The following FBXO9 variants were observed in gnomAD, a reference collection of about 807,000 sequenced individuals.
FBXO9 encodes the protein F-box only protein 9.
FBXO9 carries 43 observed loss-of-function variants against 63.7 expected under a neutral mutation model. The observed-to-expected ratio is 0.67, with a 90% CI of 0.53 to 0.87. The LOEUF (loss-of-function observed/expected upper bound fraction) is 0.87, where lower values mean the gene tolerates loss of function less well. Among genes scored for constraint, FBXO9 ranks in the 40% least tolerant of loss-of-function variants. The pLI, the probability that FBXO9 is intolerant of heterozygous loss-of-function variation, is 0.00. For synonymous variants in FBXO9, 156 were observed against 171.7 expected (o/e 0.91, Z 0.72); for missense variants, 442 against 533.2 (o/e 0.83, Z 1.68).
intron 8 of FBXO9, 65 bp downstream of exon 8, chr6:53,092,612 C>G: frequency 1.3e-6 from 2 of 1,483,108 alleles, no homozygotes; most frequent in Non-Finnish European, 1.9e-6. Flanking sequence ...TATAAATACG[C>G]CGTTTAAATT....
At chr6:53,073,694 A>G (rs1769000994) in intron 3 of FBXO9, 55 bp downstream of exon 3, 2 of 1,411,682 alleles carry the variant, frequency 1.4e-6, no homozygotes, top group African/African-American at 1.4e-5. Context: ...GGCACATGGA[A>G]ATTTTCACTG....
At chr6:53,082,663 T>A in intron 7 of FBXO9, 45 bp downstream of exon 7, 2 of 1,362,270 alleles carry the variant, frequency 1.5e-6, no homozygotes, top group Non-Finnish European at 2.1e-6. Context: ...GAGGCAATGG[T>A]GAAAAGAAAG....
Position 53,093,544 on chromosome 6 carries a change from A to G in FBXO9, c.942A>G (p.Leu314=). 3 of 1,612,780 alleles carry G rather than the reference A, an allele frequency of 1.9e-6. No homozygotes were observed. In the East Asian group the frequency reaches 6.7e-5, roughly 36 times the overall value. ...PEEPQSIVPR[L]RTRNTRTDAI... ...AGCCTCAGTCCATTGTTCCACGTTTAAGAACTAGGAATACCAGGTAGCATT... is the reference window on the plus strand; with the variant it reads ...AGCCTCAGTCCATTGTTCCACGTTTGAGAACTAGGAATACCAGGTAGCATT... Residue 314 remains leucine, a synonymous_variant, in exon 10 of 13, where the codon TTA becomes TTG. Transcript: ENST00000323557.
intron 1 of FBXO9, among the ~76,000 whole-genome samples, chr6:53,066,341 G>A (rs1200287929): frequency 2.6e-5 from 4 of 152,188 alleles, no homozygotes; most frequent in African/African-American, 9.7e-5. Flanking sequence ...TCCTGGCGGA[G>A]TGGGGTTGGA....
Position 53,065,735 on chromosome 6 carries a change from G to T in FBXO9, c.-55G>T. 1 of 1,428,014 alleles carries T rather than the reference G, an allele frequency of 7.0e-7. No homozygotes were observed. The allele number at this position is 1,428,014 out of a possible 1,614,324, so 88.5% of individuals were successfully genotyped here. On this transcript the variant is annotated 5_prime_UTR_variant, in exon 1 of 13. Coordinates refer to ENST00000323557, the MANE Select transcript of FBXO9 (RefSeq NM_033480.3). ...ACACCCAGCACCCCTCCTCCGGGGGGCGGTGCAGAGGGGGCACGGAGAGCC... is the reference window on the plus strand; with the variant it reads ...ACACCCAGCACCCCTCCTCCGGGGGTCGGTGCAGAGGGGGCACGGAGAGCC...
At chr6:53,093,364 T>C (rs1763102224) in intron 9 of FBXO9, 102 bp from the exon 10 acceptor site, 1 of 680,092 alleles carries the variant, frequency 1.5e-6, no homozygotes. Flanking sequence ...TATTTCAGTG[T>C]TGGTTTCATA....
intron 2 of FBXO9, among the ~76,000 whole-genome samples, chr6:53,073,185 G>A (rs1322773006): frequency 6.6e-6 from 1 of 151,850 alleles, no homozygotes; most frequent in African/African-American, 2.4e-5. Context: ...ACTTCAGTCT[G>A]TAAGTGATGG....
At chr6:53,089,060 T>G (rs113950627) in intron 7 of FBXO9, among the ~76,000 whole-genome samples, 1,621 of 147,972 alleles carry the variant, frequency 0.011, 33 homozygotes, top group African/African-American at 0.037. Context: ...CCTAGTGGGG[T>G]TTTTTTTTGT....
At chr6:53,092,376 A>G (rs1344513651) in intron 7 of FBXO9, 53 bp from the exon 8 acceptor site, 10 of 1,287,856 alleles carry the variant, frequency 7.8e-6, no homozygotes, top group Admixed American at 1.9e-5. Flanking sequence ...AAAAATATTT[A>G]TGTCTATGTA....
At chr6:53,083,714 C>T (rs867429213) in intron 7 of FBXO9, among the ~76,000 whole-genome samples, 7 of 152,174 alleles carry the variant, frequency 4.6e-5, no homozygotes, top group Admixed American at 2.0e-4. Flanking sequence ...GTCATAGAAG[C>T]CTGAGAACCT....
chr6:53,092,888 ATCTGT>A (rs1763084972), intron 9 of FBXO9, 64 bp downstream of exon 9: 1 of 1,130,922 alleles, frequency 8.8e-7, no homozygotes, highest in African/African-American at 1.6e-5. Context: ...TTAAATGGAC[ATCTGT>A]TCTTTGTTGC....
chr6:53,087,036 A>AAAC (rs200987070), intron 7 of FBXO9, among the ~76,000 whole-genome samples: 107 of 152,066 alleles, frequency 7.0e-4, no homozygotes, highest in East Asian at 5.2e-3. Flanking sequence ...CCTGTCTCAA[A>AAAC]AACAACAACA....
At chr6:53,075,294 C>T (rs1361100507) in intron 3 of FBXO9, among the ~76,000 whole-genome samples, 8 of 151,294 alleles carry the variant, frequency 5.3e-5, no homozygotes, top group Admixed American at 5.3e-4. Context: ...GTCAGTAACG[C>T]TGGGCTAATT....
chr6:53,089,756 T>C (rs1762995273), intron 7 of FBXO9, among the ~76,000 whole-genome samples: 1 of 152,144 alleles, frequency 6.6e-6, no homozygotes, highest in South Asian at 2.1e-4. Flanking sequence ...CCAAATGATA[T>C]CAAGAAGCCT....
chr6:53,069,290 T>G (rs1270024747), intron 1 of FBXO9, among the ~76,000 whole-genome samples: 1 of 152,244 alleles, frequency 6.6e-6, no homozygotes, highest in Non-Finnish European at 1.5e-5. Flanking sequence ...TTGGTATCAT[T>G]AAACTTACCT....
intron 3 of FBXO9, among the ~76,000 whole-genome samples, chr6:53,074,830 G>C (rs1384169948): frequency 6.6e-6 from 1 of 152,204 alleles, no homozygotes; most frequent in Non-Finnish European, 1.5e-5. Context: ...GCATGGTATG[G>C]ATGTACCCCA....
At chr6:53,094,946 G>T in intron 11 of FBXO9, 1 of 199,956 alleles carries the variant, frequency 5.0e-6, no homozygotes, top group South Asian at 6.0e-5. Flanking sequence ...AGAATATGAT[G>T]AAATATTCAT....
intron 1 of FBXO9, 147 bp from the exon 2 acceptor site, chr6:53,070,909 GC>G: frequency 7.8e-7 from 1 of 1,275,218 alleles, no homozygotes; most frequent in East Asian, 2.6e-5. Context: ...GGTCTCAAGT[GC>G]CCCCTACAGC....
rs377399172 is a variant in FBXO9 at position 53,071,076 on chromosome 6, G to A, written c.23G>A (p.Cys8Tyr). Residue 8 changes from cysteine to tyrosine, a missense_variant, in exon 2 of 13, where the codon TGT (cysteine) becomes TAT (tyrosine). Physicochemically the swap from Cys to Tyr is radical, Grantham distance 194. This residue lies in a region of FBXO9 where 180 missense variants were observed against 171.1 expected (regional missense o/e 1.05). Transcript: ENST00000323557. MAEAEED[C>Y]HSDTVRADDD... is the part of the protein sequence containing the mutation. ...CCTCAGGCAGAAGCTGAGGAAGATT[G>A]TCATTCTGATACTGTCAGAGCAGAT... 37 of 1,574,936 alleles carry A rather than the reference G, an allele frequency of 2.3e-5. No individual in the cohort carries two copies. The highest frequency in any genetic ancestry group is 2.9e-5 in the Non-Finnish European group (34 of 1,158,324).
Sources: gnomAD v4.1 joint callset for allele counts (sites outside exome capture counted in the v4.1 genomes callset) on GRCh38, gnomAD v4.1.1 for gene constraint, gnomAD v4.1.1 regional missense constraint, MANE v1.5 for transcripts, NCBI Gene and HGNC (gene_info 2026-07-23, HGNC 2026-07-21) for gene names.